CDS2: variants seen among roughly 807,000 people sequenced by gnomAD.
CDS2 encodes phosphatidate cytidylyltransferase 2.
In CDS2, 47 loss-of-function variants were observed where a neutral mutation model predicts 59.0. That is an observed-to-expected ratio of 0.80 (90% CI 0.63 to 1.02). The LOEUF is 1.02. CDS2 is among the 50% of genes least tolerant of loss of function. The pLI is 0.00. For synonymous variants in CDS2, 207 were observed against 206.4 expected (o/e 1.00, Z -0.02); for missense variants, 356 against 558.9 (o/e 0.64, Z 3.66).
intron 4 of CDS2, among the ~76,000 whole-genome samples, chr20:5,178,468 G>A (rs1042601020): frequency 6.6e-6 from 1 of 152,204 alleles, no homozygotes; most frequent in African/African-American, 2.4e-5. Context: ...GTTGGGAAGA[G>A]TGGAAACGAG....
At chr20:5,185,149 G>C (rs1227920615) in intron 8 of CDS2, among the ~76,000 whole-genome samples, 1 of 152,096 alleles carries the variant, frequency 6.6e-6, no homozygotes, top group Non-Finnish European at 1.5e-5. Flanking sequence ...GGCTGGGCGT[G>C]GTGGGTCATG....
chr20:5,151,414 A>G (rs981422829), intron 1 of CDS2, among the ~76,000 whole-genome samples: 15 of 152,306 alleles, frequency 9.8e-5, no homozygotes, highest in African/African-American at 3.4e-4. Context: ...AGATGTACTA[A>G]ATTACATTTA....
chr20:5,178,519 G>A (rs1005214426), intron 4 of CDS2, among the ~76,000 whole-genome samples: 1 of 152,146 alleles, frequency 6.6e-6, no homozygotes, highest in Non-Finnish European at 1.5e-5. Context: ...AAGGTCATAT[G>A]GTTCAAGGAT....
intron 1 of CDS2, among the ~76,000 whole-genome samples, chr20:5,155,731 A>G (rs550555889): frequency 4.3e-4 from 65 of 152,324 alleles, no homozygotes; most frequent in African/African-American, 1.5e-3. Flanking sequence ...TCTTCTTGCC[A>G]TGTAAGATAA....
At chr20:5,135,652 C>T (rs1050340091) in intron 1 of CDS2, among the ~76,000 whole-genome samples, 8 of 152,152 alleles carry the variant, frequency 5.3e-5, no homozygotes, top group South Asian at 2.1e-4. Flanking sequence ...TGGTCCCCAC[C>T]GGGCAGCTTC....
At position 5,127,027 on chromosome 20, in the gene CDS2, C is replaced by T; in HGVS notation, c.-66C>T. ...GGCCGTGGGAGTCCGCGCGTGCCCG[C>T]GCCGAGCTGCCTGCTCCGGCGGCTT... On this transcript the variant is annotated 5_prime_UTR_variant, in exon 1 of 13. Coordinates refer to ENST00000460006, the MANE Select transcript of CDS2 (RefSeq NM_003818.4). 1.4e-6 allele frequency: 2 copies of T among 1,433,580 alleles called. No individual in the cohort carries two copies. Among genetic ancestry groups the T allele is most frequent in the Non-Finnish European group, 9.2e-7 (1 of 1,082,522 alleles). The allele number at this position is 1,433,580 out of a possible 1,614,324, so 88.8% of individuals were successfully genotyped here.
At chr20:5,168,003 A>G (rs1216006681) in intron 1 of CDS2, among the ~76,000 whole-genome samples, 2 of 152,214 alleles carry the variant, frequency 1.3e-5, no homozygotes, top group African/African-American at 4.8e-5. Flanking sequence ...AGAAAAGCTG[A>G]ATGATGGTAC....
intron 1 of CDS2, among the ~76,000 whole-genome samples, chr20:5,153,361 C>A (rs1187453981): frequency 6.6e-6 from 1 of 152,146 alleles, no homozygotes; most frequent in Non-Finnish European, 1.5e-5. Context: ...CAAGATAAAG[C>A]AAAATGGCAC....
intron 9 of CDS2, among the ~76,000 whole-genome samples, chr20:5,186,361 TC>T (rs1157917088): frequency 1.3e-5 from 2 of 152,156 alleles, no homozygotes; most frequent in Non-Finnish European, 1.5e-5. Flanking sequence ...ATCACTGACT[TC>T]AGAGATCTTG....
intron 1 of CDS2, 106 bp from the exon 2 acceptor site, chr20:5,173,417 C>A: frequency 7.8e-7 from 1 of 1,279,690 alleles, no homozygotes; most frequent in Admixed American, 1.8e-5. Context: ...GGTTCTTAGG[C>A]CCTGTTTGGA....
intron 1 of CDS2, among the ~76,000 whole-genome samples, chr20:5,141,895 A>T (rs2122970788): frequency 6.6e-6 from 1 of 152,120 alleles, no homozygotes; most frequent in East Asian, 1.9e-4. Flanking sequence ...TTGTTGTTAC[A>T]GTGTGAGAAC....
chr20:5,177,218 T>C (rs992755405), intron 4 of CDS2, among the ~76,000 whole-genome samples: 1 of 152,128 alleles, frequency 6.6e-6, no homozygotes, highest in Non-Finnish European at 1.5e-5. Context: ...TGCCGTCATA[T>C]CTCAGCATCC....
chr20:5,153,317 A>G (rs1568533393), intron 1 of CDS2, among the ~76,000 whole-genome samples: 1 of 152,192 alleles, frequency 6.6e-6, no homozygotes, highest in Non-Finnish European at 1.5e-5. Flanking sequence ...TATTTTTACA[A>G]TGACTTTTCA....
intron 1 of CDS2, 118 bp downstream of exon 1, chr20:5,127,267 C>A: frequency 1.1e-6 from 1 of 941,972 alleles, no homozygotes; most frequent in Non-Finnish European, 1.4e-6. Context: ...CGACGGCGGC[C>A]CCGGGCCCGG....
chr20:5,180,069 T>TG (rs2091022567), intron 5 of CDS2, among the ~76,000 whole-genome samples: 1 of 152,094 alleles, frequency 6.6e-6, no homozygotes, highest in Admixed American at 6.5e-5. Context: ...CCTTCCACAG[T>TG]GGGAGGTAAG....
chr20:5,162,007 G>A (rs2090879601), intron 1 of CDS2, among the ~76,000 whole-genome samples: 1 of 152,186 alleles, frequency 6.6e-6, no homozygotes, highest in South Asian at 2.1e-4. Flanking sequence ...GGTGCACATT[G>A]CCTTAGGCTG....
chr20:5,150,400 G>A lies in CDS2; in HGVS notation c.58-23123G>A, dbSNP rs187795331. On this transcript the variant is annotated intron_variant, in intron 1 of 12. Transcript: ENST00000460006. ...TGAATCTCAGTTCCATGTTCTTTGC[G>A]TTACGATTCTGCCTTCCTAGCTTCC... Among the ~76,000 whole-genome samples, 140 of 152,330 alleles carry A rather than the reference G, an allele frequency of 9.2e-4. 1 individual carries two copies. The highest frequency in any genetic ancestry group is 8.2e-4 in the Non-Finnish European group (56 of 68,032).
rs996432672 is a variant in CDS2, at chr20:5,189,135, C to A, written c.1050C>A (p.Gly350=). 6.2e-7 allele frequency: 1 copy of A among 1,614,168 alleles called. No homozygotes were observed. Among genetic ancestry groups the A allele is most frequent in the Non-Finnish European group, 8.5e-7 (1 of 1,180,010 alleles). The change falls in exon 11 of 13, where the codon GGC becomes GGA. Residue 350 remains glycine (G), a synonymous_variant. Coordinates refer to ENST00000460006, the MANE Select transcript of CDS2 (RefSeq NM_003818.4). ...IALSTFASLI[G]PFGGFFASGF... ...TCTCCACCTTTGCCTCGCTCATTGGCCCCTTTGGAGGATTCTTCGCAAGTG... is the reference window on the plus strand; with the variant it reads ...TCTCCACCTTTGCCTCGCTCATTGGACCCTTTGGAGGATTCTTCGCAAGTG...
intron 3 of CDS2, among the ~76,000 whole-genome samples, chr20:5,175,872 G>A (rs1333620032): frequency 6.6e-6 from 1 of 152,138 alleles, no homozygotes; most frequent in Non-Finnish European, 1.5e-5. Flanking sequence ...ATGACTCCTG[G>A]TTTCGTTTCC....
Sources: gnomAD v4.1 joint callset for allele counts (sites outside exome capture counted in the v4.1 genomes callset) on GRCh38, gnomAD v4.1.1 for gene constraint, MANE v1.5 for transcripts, NCBI Gene and HGNC (gene_info 2026-07-23, HGNC 2026-07-21) for gene names.